Variants in CCDC30 observed in about 807,000 individuals in gnomAD.
The protein encoded by CCDC30 is coiled-coil domain-containing protein 30.
In CCDC30, 70 loss-of-function variants were observed where a neutral mutation model predicts 100.2. That is an observed-to-expected ratio of 0.70 (90% confidence interval 0.58 to 0.85). The LOEUF (loss-of-function observed/expected upper bound fraction) is 0.85. Ranked by LOEUF, CCDC30 falls within the 40% of genes least tolerant of loss-of-function variation. CCDC30 has a pLI of 0.00. For missense variants in CCDC30, 652 were observed against 771.2 expected, an observed-to-expected ratio of 0.85 and a Z score of 1.83; for synonymous variants, 233 against 269.5, an observed-to-expected ratio of 0.86 and a Z score of 1.33.
chr1:42,559,608 T>C (rs1052720734), intron 6 of CCDC30, among the ~76,000 whole-genome samples: 1 of 152,174 alleles, frequency 6.6e-6, no homozygotes, highest in Middle Eastern at 3.2e-3. Flanking sequence ...TCTAAATATA[T>C]ATTCAACCAA....
At chr1:42,611,893 G>A (rs898087241) in intron 11 of CCDC30, among the ~76,000 whole-genome samples, 1 of 152,092 alleles carries the variant, frequency 6.6e-6, no homozygotes, top group Non-Finnish European at 1.5e-5. Flanking sequence ...TGCCTCAAGT[G>A]ATCCTCCTTC....
chr1:42,554,275 C>CTTT (rs1286952607), intron 6 of CCDC30, among the ~76,000 whole-genome samples: 21 of 131,196 alleles, frequency 1.6e-4, no homozygotes, highest in East Asian at 2.1e-4. Context: ...TTTATGGCTT[C>CTTT]TTTTTTTTTT....
chr1:42,581,293 T>A (rs1428086978), intron 8 of CCDC30, 67 bp from the exon 13 acceptor site: 3 of 1,217,452 alleles, frequency 2.5e-6, no homozygotes, highest in Non-Finnish European at 3.5e-6. Flanking sequence ...TTATATGTTA[T>A]TCCCCTAATT....
At chr1:42,540,046 G>C (rs532836401) in intron 6 of CCDC30, among the ~76,000 whole-genome samples, 1 of 152,180 alleles carries the variant, frequency 6.6e-6, no homozygotes, top group African/African-American at 2.4e-5. Flanking sequence ...ATCTCCTCCT[G>C]GCTGAAAATT....
intron 3 of CCDC30, among the ~76,000 whole-genome samples, chr1:42,487,670 A>G (rs1443878548): frequency 1.3e-5 from 2 of 152,114 alleles, no homozygotes; most frequent in Non-Finnish European, 2.9e-5. Flanking sequence ...ATGACTTTGA[A>G]GATGGAGGAG....
chr1:42,473,320 T>C (rs759218936), intron 1 of CCDC30: 1 of 1,203,864 alleles, frequency 8.3e-7, no homozygotes, highest in Non-Finnish European at 1.0e-6. Context: ...ACTAATAGCA[T>C]AGAATTTTAA....
chr1:42,527,486 A>G (rs1185664503), intron 6 of CCDC30, among the ~76,000 whole-genome samples: 1 of 152,244 alleles, frequency 6.6e-6, no homozygotes, highest in African/African-American at 2.4e-5. Context: ...CTCAGCAAAG[A>G]ATGAAGGCAT....
At chr1:42,540,151 A>G (rs766699060) in intron 6 of CCDC30, among the ~76,000 whole-genome samples, 1 of 152,184 alleles carries the variant, frequency 6.6e-6, no homozygotes. Context: ...TTTTAACACC[A>G]TATGTAAGGT....
rs149511353 is a variant in CCDC30 at position 42,476,276 on chromosome 1, C to G, written c.-91-4185C>G. ...CCTGCTGTTTTTCAAGTGTGTTTAA[C>G]TCAAAATAGTCAATATACCAGAGTA... is the stretch of plus-strand genomic sequence containing the variant. On this transcript the variant is annotated intron_variant, in intron 1 of 16. Coordinates refer to ENST00000668663, the Ensembl canonical transcript of CCDC30. 5.2e-3 allele frequency among the ~76,000 whole-genome samples: 795 copies of G among 152,214 alleles called. 8 individuals are homozygous for G. The highest frequency in any genetic ancestry group is 0.018 in the African/African-American group (768 of 41,534).
At chr1:42,468,296 T>C (rs1643656909) in intron 1 of CCDC30, among the ~76,000 whole-genome samples, 1 of 152,360 alleles carries the variant, frequency 6.6e-6, no homozygotes, top group South Asian at 2.1e-4. Flanking sequence ...TCTCCTGATA[T>C]TATAGCATCC....
intron 3 of CCDC30, among the ~76,000 whole-genome samples, chr1:42,483,348 A>G (rs1643996859): frequency 6.6e-6 from 1 of 152,202 alleles, no homozygotes; most frequent in East Asian, 1.9e-4. Context: ...GCTGCTATAA[A>G]CATTTTGGTA....
intron 15 of CCDC30, among the ~76,000 whole-genome samples, chr1:42,646,522 C>A (rs1435556075): frequency 6.6e-6 from 1 of 152,234 alleles, no homozygotes; most frequent in Non-Finnish European, 1.5e-5. Flanking sequence ...CAACTTCCTG[C>A]AGGCAGAAAT....
At chr1:42,656,355 G>C (rs1648657137), downstream of CCDC30, among the ~76,000 whole-genome samples, 1 of 152,224 alleles carries the variant, frequency 6.6e-6, no homozygotes. Flanking sequence ...GCCTGACCAG[G>C]TGCGGTGGCT....
At chr1:42,546,248 G>A (rs1383284956) in intron 6 of CCDC30, among the ~76,000 whole-genome samples, 1 of 150,452 alleles carries the variant, frequency 6.6e-6, no homozygotes, top group Non-Finnish European at 1.5e-5. Flanking sequence ...AGCTGGGCGT[G>A]GTGGTGCATG....
intron 6 of CCDC30, among the ~76,000 whole-genome samples, chr1:42,499,959 T>G (rs11210655): frequency 0.2 from 30,476 of 152,120 alleles, 3,339 homozygotes; most frequent in South Asian, 0.42. Context: ...ACCCCACTTC[T>G]TCTACCCCAG....
At chr1:42,508,725 A>G (rs1644432954) in intron 6 of CCDC30, among the ~76,000 whole-genome samples, 1 of 152,104 alleles carries the variant, frequency 6.6e-6, no homozygotes, top group Non-Finnish European at 1.5e-5. Context: ...GTTTTTCCCA[A>G]GAAGTCCCAG....
At chr1:42,652,963 G>T (rs1047878521) in intron 15 of CCDC30, among the ~76,000 whole-genome samples, 3 of 152,148 alleles carry the variant, frequency 2.0e-5, no homozygotes, top group African/African-American at 4.8e-5. Context: ...AGTGGTGATG[G>T]TTGCATAAGT....
chr1:42,553,033 C>G (rs532567745), intron 6 of CCDC30, among the ~76,000 whole-genome samples: 3 of 152,274 alleles, frequency 2.0e-5, no homozygotes, highest in African/African-American at 7.2e-5. Flanking sequence ...GGGTGGAAAT[C>G]TAGGCTCCCA....
At chr1:42,543,958 G>C (rs1645069658) in intron 6 of CCDC30, among the ~76,000 whole-genome samples, 1 of 152,206 alleles carries the variant, frequency 6.6e-6, no homozygotes. Context: ...TGCATTTTCA[G>C]ACAGGCTCAG....
Sources: allele counts gnomAD v4.1 joint callset (sites outside exome capture counted in the v4.1 genomes callset), GRCh38; gene constraint gnomAD v4.1.1; transcripts MANE v1.5; gene names NCBI Gene and HGNC (gene_info 2026-07-23, HGNC 2026-07-21).